GALNT11: variants seen among roughly 807,000 people sequenced by gnomAD.
GALNT11 encodes polypeptide N-acetylgalactosaminyltransferase 11, also known as UDP-GalNAc:polypeptide N-acetylgalactosaminyltransferase 11.
GALNT11 carries 47 observed loss-of-function variants against 72.7 expected under a neutral mutation model. That is an observed-to-expected ratio of 0.65 (90% CI 0.51 to 0.82). The LOEUF is 0.82. GALNT11 is among the 40% of genes least tolerant of loss of function. The probability of loss-of-function intolerance (pLI) is 0.00; values close to 1 mark genes in which losing one functional copy is unlikely to be tolerated. For synonymous variants in GALNT11, 270 were observed against 286.6 expected (o/e 0.94, Z 0.58); for missense variants, 677 against 778.4 (o/e 0.87, Z 1.55).
chr7:152,067,921 A>G (rs61304947), intron 1 of GALNT11, among the ~76,000 whole-genome samples: 7,652 of 152,138 alleles, frequency 0.05, 658 homozygotes, highest in African/African-American at 0.18. Context: ...GGGGGAGCAG[A>G]CACGTCACAT....
At chr7:152,064,437 A>G (rs142406776) in intron 1 of GALNT11, among the ~76,000 whole-genome samples, 2,216 of 152,208 alleles carry the variant, frequency 0.015, 55 homozygotes, top group African/African-American at 0.05. Flanking sequence ...GTTTAATTGG[A>G]GCATTTAGCC....
chr7:152,117,537 G>C (rs953555055), intron 9 of GALNT11, 162 bp downstream of exon 9: 56 of 686,448 alleles, frequency 8.2e-5, no homozygotes, highest in Non-Finnish European at 1.2e-4. Flanking sequence ...ACTTCTCTAC[G>C]CAAGTGTAGG....
rs181258694 is a variant in GALNT11 at position 152,086,907 on chromosome 7, A to G, written c.-38-7283A>G. ...GTTGTTCTGTGCTAGTTTTTATACT[A>G]TTGTTGAATAAGATGGTCATGACCT... On this transcript the variant is annotated intron_variant, in intron 1 of 11. Coordinates refer to ENST00000430044, the MANE Select transcript of GALNT11 (RefSeq NM_022087.4). Among the ~76,000 whole-genome samples the G allele has an allele frequency of 5.8e-4, 88 of 152,310 alleles. 1 individual carries two copies. Among genetic ancestry groups the G allele is most frequent in the African/African-American group, 2.1e-3 (87 of 41,574 alleles).
intron 6 of GALNT11, among the ~76,000 whole-genome samples, chr7:152,108,762 T>TA (rs1193438775): frequency 6.6e-6 from 1 of 152,266 alleles, no homozygotes; most frequent in Non-Finnish European, 1.5e-5. Flanking sequence ...TTTACGTTCT[T>TA]ATCTGTGTTT....
rs956414806 is a variant in GALNT11 at position 152,091,040 on chromosome 7, T to TTTG, written c.-38-3132_-38-3130dup. Among the ~76,000 whole-genome samples, 17 of 151,316 alleles carry TTTG rather than the reference T, an allele frequency of 1.1e-4. No homozygotes were observed. In the East Asian group the frequency reaches 1.6e-3, roughly 14 times the overall value. ...CAGGGTTGTGGTTGGAGAGGGAGTT[T>TTTG]TTGTTGTTGTTGTTGTTGTTTTTTT... On this transcript the variant is annotated intron_variant, in intron 1 of 11. Transcript: ENST00000430044.
Position 152,122,135 on chromosome 7 carries a change from T to A in GALNT11, c.*458T>A, listed in dbSNP as rs2089467437. On this transcript the variant is annotated 3_prime_UTR_variant, in exon 12 of 12. Coordinates refer to ENST00000430044, the MANE Select transcript of GALNT11 (RefSeq NM_022087.4). ...CAGGAACTTGTCATGATTTCCTTTC[T>A]TAGACTTCATAGGAGATAGTGCTTT... The A allele has an allele frequency of 6.5e-6, 1 of 152,756 alleles. No individual in the cohort carries two copies. The highest frequency in any genetic ancestry group is 6.5e-5 in the Admixed American group (1 of 15,354). The allele number at this position is 152,756 out of a possible 1,614,324, so 9.5% of individuals were successfully genotyped here.
chr7:152,076,591 GTCT>G (rs1265503553), intron 1 of GALNT11, among the ~76,000 whole-genome samples: 2 of 152,214 alleles, frequency 1.3e-5, no homozygotes, highest in African/African-American at 2.4e-5. Flanking sequence ...GGAAGCTGGA[GTCT>G]TCTTATCAGT....
At chr7:152,079,660 C>G (rs557470971) in intron 1 of GALNT11, among the ~76,000 whole-genome samples, 6 of 152,298 alleles carry the variant, frequency 3.9e-5, no homozygotes, top group African/African-American at 1.4e-4. Context: ...ATTCAGCAAT[C>G]GCCTTATGTG....
intron 9 of GALNT11, chr7:152,117,739 C>A: frequency 4.3e-6 from 1 of 234,272 alleles, no homozygotes. Context: ...TTGCTCTTAG[C>A]TCTGGGAACC....
At chr7:152,046,316 C>T (rs1054649761) in intron 1 of GALNT11, among the ~76,000 whole-genome samples, 3 of 152,048 alleles carry the variant, frequency 2.0e-5, no homozygotes, top group Non-Finnish European at 4.4e-5. Flanking sequence ...TTATTAGGTC[C>T]ATTTGGTCAG....
At chr7:152,116,793 G>C (rs1587490793) in intron 8 of GALNT11, 1 of 396,856 alleles carries the variant, frequency 2.5e-6, no homozygotes, top group Non-Finnish European at 4.9e-6. Context: ...ATAGAAAGCA[G>C]TGTCACTGTT....
At chr7:152,101,295 C>T (rs900904403) in intron 3 of GALNT11, among the ~76,000 whole-genome samples, 3 of 151,804 alleles carry the variant, frequency 2.0e-5, no homozygotes, top group Admixed American at 6.6e-5. Context: ...TGTTTTTTTT[C>T]CATCAAAGGC....
intron 1 of GALNT11, among the ~76,000 whole-genome samples, chr7:152,074,147 C>T (rs2084819910): frequency 6.6e-6 from 1 of 152,156 alleles, no homozygotes; most frequent in South Asian, 2.1e-4. Flanking sequence ...TTTAGTGTGA[C>T]ATAATCCCAT....
chr7:152,044,896 A>G (rs1198915299), intron 1 of GALNT11, among the ~76,000 whole-genome samples: 1 of 151,874 alleles, frequency 6.6e-6, no homozygotes, highest in East Asian at 1.9e-4. Flanking sequence ...GTCTTCCCCA[A>G]TTCAGTATGA....
At chr7:152,045,986 G>C (rs2083099908) in intron 1 of GALNT11, among the ~76,000 whole-genome samples, 2 of 151,912 alleles carry the variant, frequency 1.3e-5, no homozygotes, top group Non-Finnish European at 2.9e-5. Context: ...TTGGTATGTT[G>C]TTTCCATTAT....
In GALNT11 at chr7:152,108,107, C is replaced by T; in HGVS notation, c.782C>T (p.Ala261Val). Residue 261 changes from alanine to valine, a missense_variant, in exon 6 of 12, where the codon GCC (alanine) becomes GTC (valine). Coordinates refer to ENST00000430044, the MANE Select transcript of GALNT11 (RefSeq NM_022087.4). ...ATGTGGCTGCAGCCCTTGCTGGCCG[C>T]CATCCGTGAGGACCGGCACACCGTG... ...NVMWLQPLLAAIREDRHTVVC... is the reference protein window; with the variant it reads ...NVMWLQPLLAVIREDRHTVVC... The T allele has an allele frequency of 6.2e-7, 1 of 1,614,070 alleles. No individual in the cohort carries two copies. The highest frequency in any genetic ancestry group is 8.5e-7 in the Non-Finnish European group (1 of 1,179,970).
intron 2 of GALNT11, among the ~76,000 whole-genome samples, chr7:152,100,490 A>C (rs1224396984): frequency 1.3e-5 from 2 of 151,676 alleles, no homozygotes; most frequent in East Asian, 3.9e-4. Flanking sequence ...CGCTTGAACC[A>C]GGGAGTTGGA....
intron 1 of GALNT11, among the ~76,000 whole-genome samples, chr7:152,093,080 C>T (rs1013161129): frequency 2.4e-4 from 37 of 151,962 alleles, no homozygotes; most frequent in Admixed American, 2.4e-3. Context: ...AATACAAAAA[C>T]TAGCCAGGTA....
chr7:152,038,054 G>T (rs540521116), intron 1 of GALNT11, among the ~76,000 whole-genome samples: 1 of 152,308 alleles, frequency 6.6e-6, no homozygotes, highest in South Asian at 2.1e-4. Context: ...ACAGGTCTGA[G>T]CCACTGTGCC....
Sources: gnomAD v4.1 joint callset for allele counts (sites outside exome capture counted in the v4.1 genomes callset) on GRCh38, gnomAD v4.1.1 for gene constraint, MANE v1.5 for transcripts, NCBI Gene and HGNC (gene_info 2026-07-23, HGNC 2026-07-21) for gene names.